Variants in CRACD observed in about 807,000 individuals in gnomAD.
The protein encoded by CRACD is capping protein inhibiting regulator of actin dynamics.
Under a neutral mutation model 106.8 loss-of-function variants are expected in CRACD, and 56 were observed. The ratio of observed to expected loss-of-function variants is 0.52; its 90% CI spans 0.42 to 0.66. The LOEUF is 0.66. CRACD is among the 30% of genes least tolerant of loss of function. CRACD has a pLI of 0.00. For missense variants in CRACD, 1,730 were observed against 1,623.2 expected (o/e 1.07, Z -1.13); for synonymous variants, 754 against 670.8 (o/e 1.12, Z -1.92).
intron 5 of CRACD, chr4:56,308,733 T>C: frequency 2.0e-6 from 2 of 985,246 alleles, no homozygotes; most frequent in South Asian, 4.7e-5. Context: ...GTGTGGTAGG[T>C]CAAGCAGGGA....
Position 56,192,220 on chromosome 4 carries a change from C to T in CRACD, c.-189+12790C>T, listed in dbSNP as rs748591631. Among the ~76,000 whole-genome samples, 79 of 152,102 alleles carry T rather than the reference C, an allele frequency of 5.2e-4. 2 individuals are homozygous for T. The highest frequency in any genetic ancestry group is 9.1e-4 in the Non-Finnish European group (62 of 67,966). On this transcript the variant is annotated intron_variant, in intron 2 of 10. Coordinates refer to ENST00000682029, the MANE Select transcript of CRACD (RefSeq NM_001393381.1). ...CAGCCTGGCCAACATGGCAAAACCC[C>T]ATCTCTCCTAAAAATACAAAAATTA...
At chr4:56,237,290 GA>G in intron 2 of CRACD, among the ~76,000 whole-genome samples, 1 of 152,114 alleles carries the variant, frequency 6.6e-6, no homozygotes, top group East Asian at 1.9e-4. Flanking sequence ...TTATTAAAAT[GA>G]AACCAATATG....
chr4:56,315,417 C>T lies in CRACD; in HGVS notation c.1915C>T (p.Pro639Ser). ...HAEAPAGENPPRGPGDARAGS... is the reference protein window; with the variant it reads ...HAEAPAGENPSRGPGDARAGS... ...GGAAGCCCCAGCTGGGGAGAACCCT[C>T]CCCGAGGCCCCGGCGACGCGAGGGC... is the stretch of plus-strand genomic sequence containing the variant. The change falls in exon 8 of 11, where the codon CCC becomes TCC. Residue 639 changes from proline (P) to serine (S), a missense_variant. Pro to Ser is a moderately conservative substitution (Grantham distance 74). Around this residue, in one of 5 missense-constraint regions of CRACD, gnomAD observed 1,620 missense variants for 1,481.6 expected, o/e 1.09. Transcript: ENST00000682029. This position sits in a 1 kb window ranked among gnomAD's most constrained non-coding sequence, Gnocchi z 4.1. The T allele has an allele frequency of 6.2e-7, 1 of 1,612,588 alleles. No homozygotes were observed. The highest frequency in any genetic ancestry group is 8.5e-7 in the Non-Finnish European group (1 of 1,179,632).
intron 5 of CRACD, 77 bp from the exon 6 acceptor site, chr4:56,310,589 G>T (rs370753720): frequency 3.8e-6 from 4 of 1,041,358 alleles, no homozygotes; most frequent in Admixed American, 1.7e-5. Context: ...ACCCTACCCA[G>T]GCACAGACAG....
rs565763229 is a variant in CRACD at position 56,178,821 on chromosome 4, G to A, written c.-335-463G>A. On this transcript the variant is annotated intron_variant, in intron 1 of 10. Transcript: ENST00000682029. ...TTCAGGCAGCTTTAGAAGGGATTGTGCACTCTCTTCCCACAGGAAGCTCAT... is the reference window on the plus strand; with the variant it reads ...TTCAGGCAGCTTTAGAAGGGATTGTACACTCTCTTCCCACAGGAAGCTCAT... 5.9e-4 allele frequency among the ~76,000 whole-genome samples: 90 copies of A among 152,302 alleles called. 1 individual carries two copies. In the South Asian group the frequency reaches 0.018, roughly 31 times the overall value.
chr4:56,265,979 T>C (rs941754098), intron 2 of CRACD, among the ~76,000 whole-genome samples: 4 of 152,166 alleles, frequency 2.6e-5, no homozygotes, highest in Admixed American at 2.0e-4. Context: ...TTTTAGAATC[T>C]TCTATATAAA....
rs899477223 is a variant in CRACD at position 56,211,389 on chromosome 4, G to A, written c.-189+31959G>A. 7.9e-5 allele frequency among the ~76,000 whole-genome samples: 12 copies of A among 152,284 alleles called. No homozygotes were observed. In the East Asian group the frequency reaches 1.6e-3, roughly 20 times the overall value. On this transcript the variant is annotated intron_variant, in intron 2 of 10. Coordinates refer to ENST00000682029, the MANE Select transcript of CRACD (RefSeq NM_001393381.1). ...CTGCAGGAGGAGGCCTGCCCACTCC[G>A]CCTGCCCAGGCCATGCCTGGCTTGT... is the stretch of plus-strand genomic sequence containing the variant.
chr4:56,167,596 A>G (rs1031199789), intron 1 of CRACD, among the ~76,000 whole-genome samples: 2 of 152,216 alleles, frequency 1.3e-5, no homozygotes, highest in African/African-American at 4.8e-5. Context: ...GATTCCACAT[A>G]TAAGCAATAA....
chr4:56,323,694 T>TAAAAAAA, intron 9 of CRACD, 127 bp downstream of exon 9: 1 of 878,370 alleles, frequency 1.1e-6, no homozygotes, highest in Non-Finnish European at 1.7e-6. Context: ...AAGCAGTAAA[T>TAAAAAAA]AAACTGACCA....
At chr4:56,262,124 C>G (rs1741742994) in intron 2 of CRACD, among the ~76,000 whole-genome samples, 1 of 152,130 alleles carries the variant, frequency 6.6e-6, no homozygotes, top group Admixed American at 6.5e-5. Context: ...AAATATGACA[C>G]TTTGCCTTGA....
At chr4:56,081,628 A>G (rs1108948) in intron 1 of CRACD, among the ~76,000 whole-genome samples, 60,400 of 151,984 alleles carry the variant, frequency 0.4, 13,594 homozygotes, top group African/African-American at 0.62. Flanking sequence ...TTTATTGAGA[A>G]CTTATTAAGT....
intron 8 of CRACD, among the ~76,000 whole-genome samples, chr4:56,320,234 A>G (rs1745991813): frequency 6.6e-6 from 1 of 152,102 alleles, no homozygotes; most frequent in Non-Finnish European, 1.5e-5. Context: ...AAAATAGCTT[A>G]GTATCCCTTT....
intron 2 of CRACD, among the ~76,000 whole-genome samples, chr4:56,250,447 C>T (rs1740985304): frequency 6.6e-6 from 1 of 152,136 alleles, no homozygotes; most frequent in Admixed American, 6.5e-5. Flanking sequence ...ATTTTACAAA[C>T]AAGAGAGCAG....
At position 56,267,189 on chromosome 4, in the gene CRACD, C is replaced by T. The variant is rs1003332714; in HGVS notation, c.-188-5132C>T. ...GGGCTGGATTGCAGTGGTGCGATCT[C>T]GGCTCACTACAACCTCTGCCTCCCG... is the stretch of plus-strand genomic sequence containing the variant. On this transcript the variant is annotated intron_variant, in intron 2 of 10. Coordinates refer to ENST00000682029, the MANE Select transcript of CRACD (RefSeq NM_001393381.1). Among the ~76,000 whole-genome samples the T allele has an allele frequency of 1.3e-4, 20 of 151,188 alleles. 2 individuals are homozygous for T. The highest frequency in any genetic ancestry group is 8.6e-4 in the Admixed American group (13 of 15,198).
chr4:56,262,780 G>T (rs1397509778), intron 2 of CRACD, among the ~76,000 whole-genome samples: 1 of 152,172 alleles, frequency 6.6e-6, no homozygotes, highest in Admixed American at 6.5e-5. Flanking sequence ...AAAGTTCTTT[G>T]TAAGTTTAGC....
At chr4:56,053,927 A>G (rs1731961103) in intron 1 of CRACD, among the ~76,000 whole-genome samples, 1 of 152,212 alleles carries the variant, frequency 6.6e-6, no homozygotes, top group African/African-American at 2.4e-5. Context: ...ATTTTTGAAC[A>G]TCAGATTTCA....
intron 2 of CRACD, among the ~76,000 whole-genome samples, chr4:56,254,314 G>C (rs897515241): frequency 1.3e-5 from 2 of 151,962 alleles, no homozygotes; most frequent in African/African-American, 2.4e-5. Context: ...AGAATAGCCA[G>C]ACAGGACTGT....
chr4:56,245,107 G>C (rs1740610771), intron 2 of CRACD, among the ~76,000 whole-genome samples: 1 of 152,166 alleles, frequency 6.6e-6, no homozygotes. Context: ...CCTTCATCTA[G>C]AAATGTTAAT....
intron 2 of CRACD, among the ~76,000 whole-genome samples, chr4:56,244,865 T>C (rs1422697114): frequency 6.6e-6 from 1 of 152,244 alleles, no homozygotes; most frequent in Non-Finnish European, 1.5e-5. Context: ...GCTTAGTCTG[T>C]TTCACAATCT....
Sources: gnomAD v4.1 joint callset for allele counts (sites outside exome capture counted in the v4.1 genomes callset) on GRCh38, gnomAD v4.1.1 for gene constraint, gnomAD v4.1.1 regional missense constraint, Gnocchi (gnomAD v3.1) non-coding constraint, MANE v1.5 for transcripts, NCBI Gene and HGNC (gene_info 2026-07-23, HGNC 2026-07-21) for gene names.